BCL7A: variants seen among roughly 807,000 people sequenced by gnomAD.
The protein encoded by BCL7A is B-cell CLL/lymphoma 7 protein family member A.
A neutral mutation model predicts 28.4 loss-of-function variants in BCL7A; 11 were observed. The observed-to-expected ratio is 0.39, with a 90% confidence interval of 0.24 to 0.64. The LOEUF is 0.64. Ranked by LOEUF, BCL7A falls within the 30% of genes least tolerant of loss-of-function variation. BCL7A has a pLI of 0.50. For missense variants in BCL7A, 222 were observed against 274.8 expected, an observed-to-expected ratio of 0.81 and a Z score of 1.36; for synonymous variants, 123 against 103.3, an observed-to-expected ratio of 1.19 and a Z score of -1.15.
chr12:122,046,060 T>TAAAA (rs776315126), intron 4 of BCL7A, among the ~76,000 whole-genome samples: 6,668 of 62,642 alleles, frequency 0.11, 735 homozygotes, highest in South Asian at 0.2. Flanking sequence ...GAGACCTTGC[T>TAAAA]AAAAAAAAAA....
chr12:122,056,893 A>G (rs1341129843), intron 5 of BCL7A, among the ~76,000 whole-genome samples: 4 of 152,172 alleles, frequency 2.6e-5, no homozygotes, highest in African/African-American at 9.7e-5. Context: ...GGTCCCCCAG[A>G]AGGGGCTCAT....
intron 4 of BCL7A, 83 bp downstream of exon 4, chr12:122,044,136 C>T: frequency 6.8e-7 from 1 of 1,479,322 alleles, no homozygotes; most frequent in Non-Finnish European, 9.1e-7. Context: ...TTCCAGGAGG[C>T]CCTGTCATGT....
In BCL7A at chr12:122,051,866, C is replaced by CTTTTT. The variant is rs34244407; in HGVS notation, c.440-2918_440-2914dup. ...ACAATAACATGATTTCTCTCTCTCT[C>CTTTTT]TTTTTTTTTTTTTTTTTTTTTTTTT... is the stretch of plus-strand genomic sequence containing the variant. On this transcript the variant is annotated intron_variant, in intron 4 of 5. Coordinates refer to ENST00000261822, the MANE Select transcript of BCL7A (RefSeq NM_001024808.3). 1.3e-3 allele frequency among the ~76,000 whole-genome samples: 106 copies of CTTTTT among 80,334 alleles called. 1 individual carries two copies. The highest frequency in any genetic ancestry group is 2.1e-3 in the East Asian group (5 of 2,326). 52.7% of individuals were successfully genotyped at this position (80,334 alleles called of 152,430 possible).
Position 122,055,532 on chromosome 12 carries a change from T to G in BCL7A, c.561+606T>G, listed in dbSNP as rs557547584. Reference sequence around the variant, plus strand: ...ACCGTGAGGATTCGATGGGAGAACTTGGGTAAAACACTTAGCATGGAGCGG... The same window carrying G: ...ACCGTGAGGATTCGATGGGAGAACTGGGGTAAAACACTTAGCATGGAGCGG... On this transcript the variant is annotated intron_variant, in intron 5 of 5. Transcript: ENST00000261822. 1.1e-3 allele frequency among the ~76,000 whole-genome samples: 165 copies of G among 152,258 alleles called. No homozygotes were observed. In the Middle Eastern group the frequency reaches 0.024, roughly 22 times the overall value.
intron 1 of BCL7A, among the ~76,000 whole-genome samples, chr12:122,026,394 G>A (rs1883630964): frequency 1.3e-5 from 2 of 152,174 alleles, no homozygotes; most frequent in South Asian, 2.1e-4. Flanking sequence ...AGTGAGCTAC[G>A]ATTGTGCCAC....
chr12:122,030,628 C>T (rs1883722974), intron 1 of BCL7A, 72 bp from the exon 2 acceptor site: 5 of 1,412,896 alleles, frequency 3.5e-6, no homozygotes, highest in Non-Finnish European at 5.0e-6. Flanking sequence ...GCTCTCAGCC[C>T]CAAGGGAGTG....
chr12:122,053,875 C>A (rs945756008), intron 4 of BCL7A, among the ~76,000 whole-genome samples: 2 of 152,040 alleles, frequency 1.3e-5, no homozygotes, highest in Admixed American at 1.3e-4. Flanking sequence ...ATGAAGAATT[C>A]CTCCGAAATA....
intron 2 of BCL7A, among the ~76,000 whole-genome samples, chr12:122,033,552 TCCGCCCGCCTCGGCCTCC>T (rs57031722): frequency 0.015 from 2,351 of 152,324 alleles, 56 homozygotes; most frequent in African/African-American, 0.054. Context: ...GACATCATGA[TCCGCCCGCCTCGGCCTCC>T]CAAAGTGCTG....
chr12:122,052,868 CGGG>C (rs58536708), intron 4 of BCL7A, among the ~76,000 whole-genome samples: 3,690 of 29,192 alleles, frequency 0.13, 117 homozygotes, highest in African/African-American at 0.19. Context: ...TTTTTTTAGT[CGGG>C]GGGGGGGGGG....
At chr12:122,030,423 G>A (rs1056574215) in intron 1 of BCL7A, among the ~76,000 whole-genome samples, 6 of 152,248 alleles carry the variant, frequency 3.9e-5, no homozygotes, top group Admixed American at 3.9e-4. Flanking sequence ...GGCCCGACTC[G>A]TGCCACCCAT....
At chr12:122,048,723 A>C (rs1444760283) in intron 4 of BCL7A, among the ~76,000 whole-genome samples, 2 of 151,490 alleles carry the variant, frequency 1.3e-5, no homozygotes, top group Non-Finnish European at 2.9e-5. Flanking sequence ...ATCTCTACAA[A>C]AAATACAAAA....
At chr12:122,033,612 A>G (rs1883787315) in intron 2 of BCL7A, among the ~76,000 whole-genome samples, 1 of 152,146 alleles carries the variant, frequency 6.6e-6, no homozygotes, top group African/African-American at 2.4e-5. Flanking sequence ...ACGCCCAGCC[A>G]CACACCTGGC....
At chr12:122,044,263 C>G (rs926000180) in intron 4 of BCL7A, 1 of 557,182 alleles carries the variant, frequency 1.8e-6, no homozygotes, top group Admixed American at 3.4e-5. Context: ...AATCCCTGCA[C>G]TTTAGGAGGC....
rs565935395 is a variant in BCL7A at position 122,046,499 on chromosome 12, T to C, written c.439+2446T>C. Among the ~76,000 whole-genome samples, 192 of 152,220 alleles carry C rather than the reference T, an allele frequency of 1.3e-3. 1 individual carries two copies. Among genetic ancestry groups the C allele is most frequent in the Non-Finnish European group, 1.7e-3 (114 of 67,996 alleles). The stretch of plus-strand genomic sequence containing the variant: ...CTCTGGGCTGGCGCCAGGGCCCCAG[T>C]CATAGCTGCACTCTGCTTCCTGCAC... On this transcript the variant is annotated intron_variant, in intron 4 of 5. Transcript: ENST00000261822.
intron 1 of BCL7A, among the ~76,000 whole-genome samples, chr12:122,024,027 G>A (rs754540177): frequency 6.6e-6 from 1 of 152,228 alleles, no homozygotes; most frequent in Non-Finnish European, 1.5e-5. Context: ...AGAGCGGCCA[G>A]CTGCTCTGCA....
intron 4 of BCL7A, among the ~76,000 whole-genome samples, chr12:122,044,964 T>C (rs1283014663): frequency 1.3e-5 from 2 of 152,048 alleles, no homozygotes; most frequent in African/African-American, 4.8e-5. Flanking sequence ...GTTGCAGTTT[T>C]AAATGGGGTG....
chr12:122,059,196 TG>T lies in BCL7A; in HGVS notation c.*35del. The T allele has an allele frequency of 6.3e-7, 1 of 1,576,528 alleles. No homozygotes were observed. Among genetic ancestry groups the T allele is most frequent in the Non-Finnish European group, 8.7e-7 (1 of 1,145,990 alleles). On this transcript the variant is annotated 3_prime_UTR_variant, in exon 6 of 6. Coordinates refer to ENST00000261822, the MANE Select transcript of BCL7A (RefSeq NM_001024808.3). The surrounding 1 kb of genome is among the most constrained non-coding windows in gnomAD (Gnocchi z 4.0). ...TTTAAAGCCTCCGATCCATGTTCCA[TG>T]GAAGGTACATCAGCAATTAATTCTA...
intron 5 of BCL7A, 97 bp from the exon 6 acceptor site, chr12:122,058,995 G>C (rs1047812405): frequency 9.4e-7 from 1 of 1,067,454 alleles, no homozygotes; most frequent in Non-Finnish European, 1.4e-6. Context: ...AGCCGCCCCC[G>C]CTCGGTTCCT....
At position 122,038,431 on chromosome 12, in the gene BCL7A, C is replaced by CACAAA. The variant is rs1883900095; in HGVS notation, c.271+3005_271+3006insCAAAA. On this transcript the variant is annotated intron_variant, in intron 3 of 5. Coordinates refer to ENST00000261822, the MANE Select transcript of BCL7A (RefSeq NM_001024808.3). ...TGGGCAAAGGAGCGAGACTCTGCCTCAAAAAAAAAAAAAAAAAAAAAAAAA... is the reference window on the plus strand; with the variant it reads ...TGGGCAAAGGAGCGAGACTCTGCCTCACAAAAAAAAAAAAAAAAAAAAAAAAAAAA... Among the ~76,000 whole-genome samples, 186 of 33,548 alleles carry CACAAA rather than the reference C, an allele frequency of 5.5e-3. 19 individuals are homozygous for CACAAA. Among genetic ancestry groups the CACAAA allele is most frequent in the African/African-American group, 0.012 (159 of 13,530 alleles). 22.0% of individuals were successfully genotyped at this position (33,548 alleles called of 152,430 possible). A position where few individuals can be genotyped will look rare whatever the true frequency, so the allele number is the denominator to read the frequency against.
Sources: gnomAD v4.1 joint callset for allele counts (sites outside exome capture counted in the v4.1 genomes callset) on GRCh38, gnomAD v4.1.1 for gene constraint, Gnocchi (gnomAD v3.1) non-coding constraint, MANE v1.5 for transcripts, NCBI Gene and HGNC (gene_info 2026-07-23, HGNC 2026-07-21) for gene names.